The following CLNK variants were observed in gnomAD, a reference collection of about 807,000 sequenced individuals.
CLNK encodes cytokine-dependent hematopoietic cell linker.
In CLNK, 74 loss-of-function variants were observed where a neutral mutation model predicts 68.6. The ratio of observed to expected loss-of-function variants is 1.08; its 90% CI spans 0.89 to 1.31. The LOEUF (loss-of-function observed/expected upper bound fraction) is 1.31. Among genes scored for constraint, CLNK ranks in the 50% most tolerant of loss-of-function variants. The pLI is 0.00. For synonymous variants in CLNK, 198 were observed against 172.2 expected, an observed-to-expected ratio of 1.15 and a Z score of -1.17; for missense variants, 553 against 515.3, an observed-to-expected ratio of 1.07 and a Z score of -0.71.
At chr4:10,678,469 A>T (rs1724958127) in intron 1 of CLNK, among the ~76,000 whole-genome samples, 2 of 152,190 alleles carry the variant, frequency 1.3e-5, no homozygotes, top group South Asian at 4.1e-4. Context: ...TTTTCATTAA[A>T]TCTTAATATT....
intron 2 of CLNK, among the ~76,000 whole-genome samples, chr4:10,615,212 G>C (rs557670240): frequency 3.9e-4 from 59 of 152,008 alleles, no homozygotes; most frequent in African/African-American, 1.3e-3. Context: ...GGGCGCGGTG[G>C]CTTATGCCTG....
At position 10,488,730 on chromosome 4, in the gene CLNK, G is replaced by GT. The variant is rs1156824343; in HGVS notation, c.*1736dup. ...TTGTGAAAGGAGAACACCTGAGCAG[G>GT]TATTTGGATAGTGGGTAGATGCTAA... On this transcript the variant is annotated 3_prime_UTR_variant, in exon 19 of 19. Coordinates refer to ENST00000226951, the MANE Select transcript of CLNK (RefSeq NM_052964.4). The GT allele has an allele frequency of 2.6e-5, 4 of 152,230 alleles. No individual in the cohort carries two copies. The highest frequency in any genetic ancestry group is 2.6e-4 in the Admixed American group (4 of 15,282). The allele number at this position is 152,230 out of a possible 1,614,324, so 9.4% of individuals were successfully genotyped here.
chr4:10,636,858 A>G (rs541783630), intron 2 of CLNK, among the ~76,000 whole-genome samples: 2 of 152,286 alleles, frequency 1.3e-5, no homozygotes, highest in Middle Eastern at 6.8e-3. Flanking sequence ...GAGGTCTTTT[A>G]AGTCTTCCCA....
intron 3 of CLNK, among the ~76,000 whole-genome samples, chr4:10,595,029 G>A (rs549138363): frequency 1.2e-3 from 183 of 152,222 alleles, no homozygotes; most frequent in Middle Eastern, 0.01. Flanking sequence ...CCTGGGAGGC[G>A]GAGATTGCGC....
chr4:10,578,874 T>A (rs1471518763), intron 4 of CLNK, among the ~76,000 whole-genome samples: 3 of 151,842 alleles, frequency 2.0e-5, no homozygotes, highest in African/African-American at 4.8e-5. Flanking sequence ...GCCCAGCCAG[T>A]TTACCTTATC....
At chr4:10,550,805 C>A (rs1719417462) in intron 8 of CLNK, among the ~76,000 whole-genome samples, 1 of 152,110 alleles carries the variant, frequency 6.6e-6, no homozygotes, top group African/African-American at 2.4e-5. Flanking sequence ...GAACTTCCAC[C>A]TTTTCACTTA....
At chr4:10,653,459 G>A (rs942158532) in intron 2 of CLNK, among the ~76,000 whole-genome samples, 2 of 151,986 alleles carry the variant, frequency 1.3e-5, no homozygotes, top group African/African-American at 4.8e-5. Flanking sequence ...AGAAATCAGT[G>A]ACAAGGTAGT....
At chr4:10,656,320 A>C (rs1312789961) in intron 2 of CLNK, among the ~76,000 whole-genome samples, 1 of 139,282 alleles carries the variant, frequency 7.2e-6, no homozygotes, top group Non-Finnish European at 1.6e-5. Context: ...TGAAAACGAC[A>C]AATGCCTGAC....
chr4:10,655,592 A>G (rs913218790), intron 2 of CLNK, among the ~76,000 whole-genome samples: 60 of 150,844 alleles, frequency 4.0e-4, no homozygotes, highest in African/African-American at 1.2e-3. Context: ...AACTTGGTTT[A>G]CGACAGAGCT....
chr4:10,654,115 G>A (rs1308529170), intron 2 of CLNK, among the ~76,000 whole-genome samples: 3 of 152,092 alleles, frequency 2.0e-5, no homozygotes, highest in African/African-American at 4.8e-5. Flanking sequence ...CAGCACAAAT[G>A]TGATGCTAAC....
chr4:10,499,168 A>T (rs1716931412), intron 18 of CLNK, among the ~76,000 whole-genome samples: 1 of 151,938 alleles, frequency 6.6e-6, no homozygotes, highest in Non-Finnish European at 1.5e-5. Context: ...TACTTTATCT[A>T]AAAAAAATCA....
Position 10,487,357 on chromosome 4 carries a change from T to G in CLNK, c.*3110A>C, listed in dbSNP as rs1716388508. 2 of 152,208 alleles carry G rather than the reference T, an allele frequency of 1.3e-5. No homozygotes were observed. Among genetic ancestry groups the G allele is most frequent in the South Asian group, 4.1e-4 (2 of 4,824 alleles). 9.4% of individuals were successfully genotyped at this position (152,208 alleles called of 1,614,324 possible). A position where few individuals can be genotyped will look rare whatever the true frequency, so the allele number is the denominator to read the frequency against. ...CCTCAATTATAAAATGCATTAGAAA[T>G]AGCTGCCCTCTCTTCTTTACAGAAG... On this transcript the variant is annotated 3_prime_UTR_variant, in exon 19 of 19. Coordinates refer to ENST00000226951, the MANE Select transcript of CLNK (RefSeq NM_052964.4).
chr4:10,673,176 C>T (rs983381378), intron 1 of CLNK, among the ~76,000 whole-genome samples: 2 of 152,154 alleles, frequency 1.3e-5, no homozygotes, highest in African/African-American at 4.8e-5. Context: ...ACTACTGTAT[C>T]TGCAACTATT....
At chr4:10,678,429 A>G (rs752369847) in intron 1 of CLNK, among the ~76,000 whole-genome samples, 1 of 152,218 alleles carries the variant, frequency 6.6e-6, no homozygotes, top group Non-Finnish European at 1.5e-5. Flanking sequence ...AAATTTGGCT[A>G]GGAAGGTATT....
the CLNK span, among the ~76,000 whole-genome samples, chr4:10,701,780 C>T: frequency 6.6e-6 from 1 of 152,138 alleles, no homozygotes; most frequent in African/African-American, 2.4e-5. Context: ...TATGGGGTCG[C>T]CAAACAAGTA....
intron 2 of CLNK, among the ~76,000 whole-genome samples, chr4:10,607,666 G>A (rs907480615): frequency 6.6e-6 from 1 of 152,174 alleles, no homozygotes; most frequent in African/African-American, 2.4e-5. Context: ...AGCAGCTGCA[G>A]CATTAGGGAC....
chr4:10,542,085 G>A, intron 9 of CLNK, 44 bp from the exon 10 acceptor site: 1 of 1,520,826 alleles, frequency 6.6e-7, no homozygotes, highest in Non-Finnish European at 9.0e-7. Context: ...ATTGTTCTGT[G>A]AGCAGGGCCA....
intron 1 of CLNK, among the ~76,000 whole-genome samples, chr4:10,668,163 T>TGAGCTGAGC (rs1724481508): frequency 6.6e-6 from 1 of 152,134 alleles, no homozygotes; most frequent in Non-Finnish European, 1.5e-5. Flanking sequence ...TGAGCAAACA[T>TGAGCTGAGC]AAACTGAGCC....
chr4:10,668,554 G>C (rs191219266), intron 1 of CLNK, among the ~76,000 whole-genome samples: 12 of 152,184 alleles, frequency 7.9e-5, no homozygotes, highest in African/African-American at 2.6e-4. Context: ...TCTCAAATTG[G>C]GTAATTTGAG....
Sources: allele counts gnomAD v4.1 joint callset (sites outside exome capture counted in the v4.1 genomes callset), GRCh38; gene constraint gnomAD v4.1.1; transcripts MANE v1.5; gene names NCBI Gene and HGNC (gene_info 2026-07-23, HGNC 2026-07-21).